Variants in RORB observed in about 807,000 individuals in gnomAD.
The protein encoded by RORB is nuclear receptor ROR-beta.
In RORB, 6 loss-of-function variants were observed where a neutral mutation model predicts 59.1. The observed-to-expected ratio is 0.10, with a 90% CI of 0.06 to 0.20. The LOEUF is 0.20. Ranked by LOEUF, RORB falls within the 10% of genes least tolerant of loss-of-function variation. The pLI, the probability that RORB is intolerant of heterozygous loss-of-function variation, is 1.00. For missense variants in RORB, 320 were observed against 560.5 expected (o/e 0.57, Z 4.33); for synonymous variants, 215 against 204.5 (o/e 1.05, Z -0.44).
chr9:74,683,497 A>G (rs1179641022), intron 9 of RORB, among the ~76,000 whole-genome samples: 1 of 152,176 alleles, frequency 6.6e-6, no homozygotes, highest in Non-Finnish European at 1.5e-5. Flanking sequence ...ATGAGGGCTT[A>G]CATAATCTGG....
intron 1 of RORB, among the ~76,000 whole-genome samples, chr9:74,613,881 A>G (rs1823270230): frequency 6.6e-6 from 1 of 152,174 alleles, no homozygotes; most frequent in South Asian, 2.1e-4. Flanking sequence ...ATCCAGCTGC[A>G]TTTACGTTGC....
chr9:74,671,857 C>T lies in RORB; in HGVS notation c.1180C>T (p.His394Tyr). ...GGAAAAAATTTATTTTGCACTTCAACATGTGATTCAGAAGAATCACCTGGA... is the reference window on the plus strand; with the variant it reads ...GGAAAAAATTTATTTTGCACTTCAATATGTGATTCAGAAGAATCACCTGGA... ...LQEKIYFALQHVIQKNHLDDE... is the reference protein window; with the variant it reads ...LQEKIYFALQYVIQKNHLDDE... Residue 394 changes from histidine to tyrosine, a missense_variant, in exon 9 of 10, where the codon CAT becomes TAT. Around this residue, in one of 4 missense-constraint regions of RORB, gnomAD observed 109 missense variants for 171.0 expected, o/e 0.64. Coordinates refer to ENST00000376896, the MANE Select transcript of RORB (RefSeq NM_006914.4). The T allele has an allele frequency of 1.9e-6, 3 of 1,612,120 alleles. No individual in the cohort carries two copies. The South Asian group carries it at 3.3e-5, about 18-fold the overall frequency.
chr9:74,605,592 A>G (rs1372440202), intron 1 of RORB, among the ~76,000 whole-genome samples: 2 of 152,222 alleles, frequency 1.3e-5, no homozygotes, highest in African/African-American at 4.8e-5. Context: ...AAGATCACCT[A>G]GCCCTACTGA....
chr9:74,530,927 A>G (rs991665593), intron 1 of RORB, among the ~76,000 whole-genome samples: 1 of 151,762 alleles, frequency 6.6e-6, no homozygotes, highest in African/African-American at 2.4e-5. Context: ...CCTGTGTCCA[A>G]GTGTTCTTAA....
Position 74,505,157 on chromosome 9 carries a change from G to T in RORB, c.7+7174G>T, listed in dbSNP as rs570704842. 5.3e-5 allele frequency among the ~76,000 whole-genome samples: 8 copies of T among 152,178 alleles called. No individual in the cohort carries two copies. The South Asian group carries it at 1.4e-3, about 28-fold the overall frequency. ...AGTATTATTAGCTGCAAAAAATGCA[G>T]ATTTATTTAATTTTAATTTTCTGAC... On this transcript the variant is annotated intron_variant, in intron 1 of 9. Coordinates refer to ENST00000376896, the MANE Select transcript of RORB (RefSeq NM_006914.4).
intron 1 of RORB, among the ~76,000 whole-genome samples, chr9:74,546,615 G>A (rs1411882620): frequency 6.6e-6 from 1 of 152,202 alleles, no homozygotes; most frequent in African/African-American, 2.4e-5. Flanking sequence ...TGTTCTCAGA[G>A]AGAAGTGGCA....
intron 1 of RORB, among the ~76,000 whole-genome samples, chr9:74,521,432 A>G (rs10746959): frequency 0.64 from 96,799 of 151,474 alleles, 31,484 homozygotes; most frequent in East Asian, 0.83. Context: ...AATTTACTCC[A>G]CTGTACAAAA....
At chr9:74,627,571 G>A (rs1823540488) in intron 1 of RORB, among the ~76,000 whole-genome samples, 2 of 151,930 alleles carry the variant, frequency 1.3e-5, no homozygotes, top group Admixed American at 1.3e-4. Flanking sequence ...CACCCCAGGG[G>A]GCAAATTATC....
chr9:74,521,739 A>G (rs1366705019), intron 1 of RORB, among the ~76,000 whole-genome samples: 1 of 151,756 alleles, frequency 6.6e-6, no homozygotes, highest in African/African-American at 2.4e-5. Context: ...TTAATTTTTC[A>G]TCGTTTTATC....
intron 1 of RORB, among the ~76,000 whole-genome samples, chr9:74,625,632 T>C (rs1335883076): frequency 2.0e-5 from 3 of 152,182 alleles, no homozygotes; most frequent in Non-Finnish European, 4.4e-5. Flanking sequence ...ATATTGCTTA[T>C]TGCCTCTTTT....
chr9:74,581,074 A>G (rs1365151752), intron 1 of RORB, among the ~76,000 whole-genome samples: 1 of 152,122 alleles, frequency 6.6e-6, no homozygotes, highest in Admixed American at 6.6e-5. Context: ...GGTAGCACAG[A>G]ATCACAGACA....
At chr9:74,655,331 A>T (rs1335804954) in intron 4 of RORB, among the ~76,000 whole-genome samples, 1 of 152,220 alleles carries the variant, frequency 6.6e-6, no homozygotes, top group Non-Finnish European at 1.5e-5. Flanking sequence ...TCAGTTAGTT[A>T]TCTGGGCAAT....
chr9:74,603,728 TTAGA>T (rs1823104365), intron 1 of RORB, among the ~76,000 whole-genome samples: 1 of 152,218 alleles, frequency 6.6e-6, no homozygotes, highest in Non-Finnish European at 1.5e-5. Flanking sequence ...GAACATGTTA[TTAGA>T]TAGTTTATAG....
At chr9:74,535,828 T>C (rs1186946751) in intron 1 of RORB, among the ~76,000 whole-genome samples, 1 of 152,066 alleles carries the variant, frequency 6.6e-6, no homozygotes, top group Non-Finnish European at 1.5e-5. Flanking sequence ...AAATTAAATA[T>C]ATTTTAACAT....
In RORB at chr9:74,658,934, A is replaced by G. The variant is rs191608916; in HGVS notation, c.638-1683A>G. ...AATCCAATAGAGTAGAGCTATCATC[A>G]GAAGTTAGCATTTGGTAGCATCTTC... is the stretch of plus-strand genomic sequence containing the variant. On this transcript the variant is annotated intron_variant, in intron 4 of 9. Coordinates refer to ENST00000376896, the MANE Select transcript of RORB (RefSeq NM_006914.4). 4.1e-4 allele frequency among the ~76,000 whole-genome samples: 62 copies of G among 152,360 alleles called. 1 individual carries two copies. The South Asian group carries it at 6.6e-3, about 16-fold the overall frequency.
intron 1 of RORB, chr9:74,615,704 A>G: frequency 2.5e-6 from 1 of 396,918 alleles, no homozygotes. Context: ...CAGGCAAGGA[A>G]GTAAGCATTT....
intron 1 of RORB, among the ~76,000 whole-genome samples, chr9:74,509,268 T>G (rs923253511): frequency 6.6e-6 from 1 of 152,080 alleles, no homozygotes; most frequent in African/African-American, 2.4e-5. Context: ...ATCTGTCTAG[T>G]CAAAATAATA....
intron 1 of RORB, among the ~76,000 whole-genome samples, chr9:74,589,806 G>C (rs1481442454): frequency 2.0e-5 from 3 of 152,118 alleles, no homozygotes; most frequent in Non-Finnish European, 4.4e-5. Context: ...CTTCCTCAGG[G>C]AAGTCCTTTC....
chr9:74,631,632 G>A (rs777497457), intron 2 of RORB, among the ~76,000 whole-genome samples: 1 of 152,160 alleles, frequency 6.6e-6, no homozygotes, highest in Non-Finnish European at 1.5e-5. Context: ...AAGGAAATAA[G>A]TAAGAATAAA....
Sources: allele counts gnomAD v4.1 joint callset (sites outside exome capture counted in the v4.1 genomes callset), GRCh38; gene constraint gnomAD v4.1.1; regional missense constraint gnomAD v4.1.1; transcripts MANE v1.5; gene names NCBI Gene and HGNC (gene_info 2026-07-23, HGNC 2026-07-21).